The following TMEM131 variants were observed in gnomAD, a reference collection of about 807,000 sequenced individuals.
The protein encoded by TMEM131 is 2610524E03Rik.
In TMEM131, 66 loss-of-function variants were observed where a neutral mutation model predicts 211.6. The observed-to-expected ratio is 0.31, with a 90% CI of 0.26 to 0.38. TMEM131 has a LOEUF of 0.38. Ranked by LOEUF, TMEM131 falls within the 10% of genes least tolerant of loss-of-function variation. The pLI is 1.00. For missense variants in TMEM131, 2,036 were observed against 2,299.3 expected (o/e 0.89, Z 2.34); for synonymous variants, 844 against 841.3 (o/e 1.00, Z -0.06).
intron 1 of TMEM131, among the ~76,000 whole-genome samples, chr2:97,948,984 A>C (rs1293630676): frequency 6.6e-6 from 1 of 152,094 alleles, no homozygotes; most frequent in Non-Finnish European, 1.5e-5. Flanking sequence ...TTGAACACAT[A>C]ACCCACCAGA....
rs1681535121 is a variant in TMEM131, at chr2:97,811,241, A to G, written c.1864-9T>C. The G allele has an allele frequency of 6.3e-7, 1 of 1,599,612 alleles. No individual in the cohort carries two copies. The highest frequency in any genetic ancestry group is 8.6e-7 in the Non-Finnish European group (1 of 1,167,140). Reference sequence around the variant, plus strand: ...CCTGAAGCTAATGTTACCTGTAGATAGTAGAAATGGTATCATTCATTAGCC... The same window carrying G: ...CCTGAAGCTAATGTTACCTGTAGATGGTAGAAATGGTATCATTCATTAGCC... On this transcript the variant is annotated splice_polypyrimidine_tract_variant and intron_variant, in intron 17 of 40. Coordinates refer to ENST00000186436, the MANE Select transcript of TMEM131 (RefSeq NM_015348.2).
rs150553327 is a variant in TMEM131 at position 97,760,918 on chromosome 2, G to GA, written c.4890-5dup. On this transcript the variant is annotated splice_polypyrimidine_tract_variant and splice_region_variant and intron_variant, in intron 36 of 40. Transcript: ENST00000186436. ...TGGCTGTTTTATTTTAGGGTCACTT[G>GA]AAAAAGAAGCAAAGAGAGAACTCAT... The GA allele has an allele frequency of 1.5e-5, 25 of 1,613,816 alleles. No homozygotes were observed. Among genetic ancestry groups the GA allele is most frequent in the Non-Finnish European group, 1.9e-5 (23 of 1,179,844 alleles).
At chr2:97,928,214 A>G (rs1317456541) in intron 1 of TMEM131, among the ~76,000 whole-genome samples, 1 of 152,212 alleles carries the variant, frequency 6.6e-6, no homozygotes, top group Non-Finnish European at 1.5e-5. Context: ...ATACAATGGA[A>G]TATTACTAAA....
intron 1 of TMEM131, among the ~76,000 whole-genome samples, chr2:97,974,069 A>C (rs1679418850): frequency 6.6e-6 from 1 of 152,258 alleles, no homozygotes; most frequent in Non-Finnish European, 1.5e-5. Flanking sequence ...GAACTGGCAC[A>C]GAAGTTAGCA....
chr2:97,774,024 A>C (rs1679592450), intron 32 of TMEM131, among the ~76,000 whole-genome samples: 2 of 152,210 alleles, frequency 1.3e-5, no homozygotes, highest in African/African-American at 4.8e-5. Context: ...ATTAGCATCT[A>C]CCCAAGAGCT....
At chr2:97,814,466 G>GT in intron 13 of TMEM131, 78 bp from the exon 14 acceptor site, 1 of 1,319,578 alleles carries the variant, frequency 7.6e-7, no homozygotes, top group South Asian at 1.6e-5. Flanking sequence ...TTCTTCTGTT[G>GT]TAAGTAATAA....
intron 11 of TMEM131, among the ~76,000 whole-genome samples, chr2:97,824,161 C>A (rs1022811772): frequency 7.9e-5 from 12 of 152,218 alleles, no homozygotes; most frequent in Non-Finnish European, 1.5e-4. Flanking sequence ...AAATAAGCCA[C>A]CCCCTCACCC....
intron 31 of TMEM131, among the ~76,000 whole-genome samples, chr2:97,782,732 C>T (rs1680068593): frequency 6.6e-6 from 1 of 151,618 alleles, no homozygotes; most frequent in Admixed American, 6.6e-5. Flanking sequence ...AATAGCAGAA[C>T]AGAGGAGACA....
chr2:97,927,001 A>G (rs191625642), intron 2 of TMEM131, among the ~76,000 whole-genome samples: 1 of 152,350 alleles, frequency 6.6e-6, no homozygotes. Flanking sequence ...CTTGAAACAG[A>G]TTAAAGAACT....
In TMEM131 at chr2:97,995,627, G is replaced by A; in HGVS notation, c.36C>T (p.Ala12=). 8.1e-7 allele frequency: 1 copy of A among 1,230,138 alleles called. No individual in the cohort carries two copies. Among genetic ancestry groups the A allele is most frequent in the Non-Finnish European group, 1.0e-6 (1 of 986,108 alleles). The allele number at this position is 1,230,138 out of a possible 1,614,324, so 76.2% of individuals were successfully genotyped here. A position where few individuals can be genotyped will look rare whatever the true frequency, so the allele number is the denominator to read the frequency against. ...CGGACGTGGAGACGGCGGCGGTGGT[G>A]GCTCCGGTTGCTCCTCCTCCCGCCC... is the stretch of plus-strand genomic sequence containing the variant. The part of the protein sequence containing the change: ...GKRAGGGATG[A]TTAAVSTSAG... Residue 12 remains alanine, a synonymous_variant, in exon 1 of 41, where the codon GCC becomes GCT. Transcript: ENST00000186436.
At chr2:97,880,657 G>A (rs1674887656) in intron 4 of TMEM131, among the ~76,000 whole-genome samples, 2 of 152,160 alleles carry the variant, frequency 1.3e-5, no homozygotes, top group African/African-American at 4.8e-5. Context: ...AGAAGAGCAA[G>A]ACATGGTGAG....
chr2:97,893,097 T>C (rs1319312600), intron 3 of TMEM131, among the ~76,000 whole-genome samples: 1 of 152,116 alleles, frequency 6.6e-6, no homozygotes, highest in Admixed American at 6.5e-5. Flanking sequence ...TGCGTCCATG[T>C]GTTCTCATTG....
At chr2:97,914,323 A>G (rs1039395150) in intron 2 of TMEM131, among the ~76,000 whole-genome samples, 8 of 152,222 alleles carry the variant, frequency 5.3e-5, no homozygotes, top group Admixed American at 1.3e-4. Flanking sequence ...ACACTATGGC[A>G]TAACATCACA....
chr2:97,963,637 C>T (rs1401837325), intron 1 of TMEM131, among the ~76,000 whole-genome samples: 1 of 152,194 alleles, frequency 6.6e-6, no homozygotes, highest in Non-Finnish European at 1.5e-5. Flanking sequence ...ACCGCTTGAA[C>T]CAGGGAGACG....
At chr2:97,847,046 G>A (rs1465469902) in intron 5 of TMEM131, among the ~76,000 whole-genome samples, 2 of 139,172 alleles carry the variant, frequency 1.4e-5, no homozygotes, top group African/African-American at 2.7e-5. Flanking sequence ...GGGTGTGATG[G>A]CGCGTGCCTG....
chr2:97,766,641 C>T, intron 33 of TMEM131, 39 bp from the exon 34 acceptor site: 3 of 1,608,504 alleles, frequency 1.9e-6, no homozygotes, highest in Non-Finnish European at 2.6e-6. Flanking sequence ...AAATTTATTC[C>T]TCTGTTTTGG....
intron 31 of TMEM131, among the ~76,000 whole-genome samples, chr2:97,780,839 T>A (rs1679960495): frequency 6.6e-6 from 1 of 152,074 alleles, no homozygotes; most frequent in Non-Finnish European, 1.5e-5. Context: ...TGGTACAAGC[T>A]GAATGGAGAA....
chr2:97,911,601 T>C (rs1676296496), intron 2 of TMEM131: 4 of 984,320 alleles, frequency 4.1e-6, no homozygotes, highest in Non-Finnish European at 4.8e-6. Context: ...ACCACTGAAA[T>C]TACTCATACG....
chr2:97,889,248 A>C (rs1471840516), intron 3 of TMEM131, among the ~76,000 whole-genome samples: 1 of 152,228 alleles, frequency 6.6e-6, no homozygotes, highest in East Asian at 1.9e-4. Flanking sequence ...AAAAGATGAC[A>C]AACAAAAAAA....
Sources: gnomAD v4.1 joint callset for allele counts (sites outside exome capture counted in the v4.1 genomes callset) on GRCh38, gnomAD v4.1.1 for gene constraint, MANE v1.5 for transcripts, NCBI Gene and HGNC (gene_info 2026-07-23, HGNC 2026-07-21) for gene names.